Variants in KLHL20 observed in about 807,000 individuals in gnomAD.
KLHL20 encodes the protein kelch like family member 20.
In KLHL20, 29 loss-of-function variants were observed where a neutral mutation model predicts 69.5. The ratio of observed to expected loss-of-function variants is 0.42; its 90% CI spans 0.31 to 0.57. The LOEUF (loss-of-function observed/expected upper bound fraction) is 0.57. Ranked by LOEUF, KLHL20 falls within the 20% of genes least tolerant of loss-of-function variation. The pLI is 0.18. For synonymous variants in KLHL20, 253 were observed against 265.2 expected, an observed-to-expected ratio of 0.95 and a Z score of 0.45; for missense variants, 419 against 776.0, an observed-to-expected ratio of 0.54 and a Z score of 5.47.
At chr1:173,775,472 A>G (rs1411158793) in intron 9 of KLHL20, among the ~76,000 whole-genome samples, 162 bp from the exon 10 acceptor site, 1 of 152,244 alleles carries the variant, frequency 6.6e-6, no homozygotes, top group African/African-American at 2.4e-5. Context: ...TGATGAGAGT[A>G]TATGTAGTAT....
At chr1:173,785,022 CAAT>C in intron 11 of KLHL20, 138 bp from the exon 12 acceptor site, 1 of 607,938 alleles carries the variant, frequency 1.6e-6, no homozygotes, top group Non-Finnish European at 2.8e-6. Context: ...AGAATGAAGA[CAAT>C]ATTAGTGTGA....
chr1:173,732,504 T>C (rs1003124304), intron 2 of KLHL20, among the ~76,000 whole-genome samples: 5 of 152,190 alleles, frequency 3.3e-5, no homozygotes, highest in African/African-American at 1.2e-4. Context: ...GAAGCAGTGA[T>C]GCGTATCTAT....
At chr1:173,762,453 C>T (rs1437563088) in intron 7 of KLHL20, among the ~76,000 whole-genome samples, 1 of 152,142 alleles carries the variant, frequency 6.6e-6, no homozygotes, top group Non-Finnish European at 1.5e-5. Flanking sequence ...AGACCAATAT[C>T]CTTGATGAAT....
intron 3 of KLHL20, chr1:173,741,616 G>A: frequency 2.2e-6 from 1 of 456,978 alleles, no homozygotes. Flanking sequence ...TCAAAGCCAA[G>A]CTGGGGAAAA....
intron 3 of KLHL20, among the ~76,000 whole-genome samples, chr1:173,748,596 A>G (rs1043762659): frequency 6.6e-6 from 1 of 152,160 alleles, no homozygotes; most frequent in Admixed American, 6.5e-5. Flanking sequence ...CCACTTTCCA[A>G]AAATAAAGAT....
Position 173,775,788 on chromosome 1 carries a change from C to A in KLHL20, c.1584C>A (p.Asn528Lys). ...TTELSSAERYNPRTNQWSPVV... is the reference protein window; with the variant it reads ...TTELSSAERYKPRTNQWSPVV... Reference sequence around the variant, plus strand: ...AGCTGAGCAGTGCTGAGAGATACAACCCCAGAACCAACCAGTGGTCTCCAG... The same window carrying A: ...AGCTGAGCAGTGCTGAGAGATACAAACCCAGAACCAACCAGTGGTCTCCAG... Residue 528 changes from asparagine to lysine, a missense_variant, in exon 10 of 12, where the codon AAC becomes AAA. Asn to Lys is a moderately conservative substitution (Grantham distance 94). Around this residue, in one of 6 missense-constraint regions of KLHL20, gnomAD observed 79 missense variants for 154.4 expected, o/e 0.51. Coordinates refer to ENST00000209884, the MANE Select transcript of KLHL20 (RefSeq NM_014458.4). The A allele has an allele frequency of 6.2e-7, 1 of 1,614,144 alleles. No individual in the cohort carries two copies. The highest frequency in any genetic ancestry group is 8.5e-7 in the Non-Finnish European group (1 of 1,180,028).
At chr1:173,727,143 A>G (rs1672011371) in intron 2 of KLHL20, among the ~76,000 whole-genome samples, 2 of 152,136 alleles carry the variant, frequency 1.3e-5, no homozygotes, top group Non-Finnish European at 2.9e-5. Context: ...AAGAAAGGGT[A>G]TCAGTGATGG....
rs1648308067 is a variant in KLHL20 at position 173,774,335 on chromosome 1, G to C, written c.1326G>C (p.Arg442=). 6.2e-7 allele frequency: 1 copy of C among 1,614,108 alleles called. No homozygotes were observed. The change falls in exon 9 of 12, where the codon CGG becomes CGC. Residue 442 remains arginine (R), a synonymous_variant. Transcript: ENST00000209884. The part of the protein sequence containing the change: ...RYDPKENKWT[R]VASMSTRRLG... ...ATCCGAAGGAGAACAAGTGGACTCG[G>C]GTAGCTTCTATGAGTACCAGAAGAC...
rs1374776136 is a variant in KLHL20, at chr1:173,766,174, A to G, written c.1180A>G (p.Ser394Gly). 1 of 1,610,432 alleles carries G rather than the reference A, an allele frequency of 6.2e-7. No homozygotes were observed. Among genetic ancestry groups the G allele is most frequent in the Non-Finnish European group, 8.5e-7 (1 of 1,178,558 alleles). ...TGACCCCAAAACAAACCAGTGGAGC[A>G]GTGATGTGGCCCCTACAAGCACCTG... ...RYDPKTNQWS[S>G]DVAPTSTCRT... The change falls in exon 8 of 12, where the codon AGT becomes GGT. Residue 394 changes from serine (S) to glycine (G), a missense_variant. Physicochemically the swap from Ser to Gly is moderately conservative, Grantham distance 56 (BLOSUM62 0). Transcript: ENST00000209884.
intron 2 of KLHL20, among the ~76,000 whole-genome samples, chr1:173,726,219 AG>A (rs1671951248): frequency 6.6e-6 from 1 of 152,014 alleles, no homozygotes; most frequent in South Asian, 2.1e-4. Flanking sequence ...ACCATTGTCC[AG>A]GCTTGAGTAG....
At position 173,785,994 on chromosome 1, in the gene KLHL20, A is replaced by T. The variant is rs78831459; in HGVS notation, c.*747A>T. On this transcript the variant is annotated 3_prime_UTR_variant, in exon 12 of 12. Transcript: ENST00000209884. Reference sequence around the variant, plus strand: ...TATAAAAACAATATATAAGTCTCATATGCTGTCTTGAGAATCCAAGAGAAT... The same window carrying T: ...TATAAAAACAATATATAAGTCTCATTTGCTGTCTTGAGAATCCAAGAGAAT... The T allele has an allele frequency of 2.4e-3, 370 of 152,318 alleles. 1 individual carries two copies. The highest frequency in any genetic ancestry group is 8.6e-3 in the African/African-American group (358 of 41,574). 9.4% of individuals were successfully genotyped at this position (152,318 alleles called of 1,614,324 possible). A position where few individuals can be genotyped will look rare whatever the true frequency, so the allele number is the denominator to read the frequency against.
chr1:173,772,986 A>T (rs1300791375), intron 8 of KLHL20, among the ~76,000 whole-genome samples: 1 of 152,042 alleles, frequency 6.6e-6, no homozygotes, highest in Non-Finnish European at 1.5e-5. Context: ...ATTTAATCTG[A>T]TTTTTTTAGA....
intron 8 of KLHL20, among the ~76,000 whole-genome samples, chr1:173,772,410 C>A (rs1018382591): frequency 6.6e-5 from 10 of 152,150 alleles, no homozygotes; most frequent in African/African-American, 2.2e-4. Flanking sequence ...CCAATAAATA[C>A]ACTTAAATAT....
chr1:173,761,153 A>G (rs1014653422), intron 7 of KLHL20, among the ~76,000 whole-genome samples: 1 of 152,234 alleles, frequency 6.6e-6, no homozygotes, highest in African/African-American at 2.4e-5. Context: ...ACAGTATATA[A>G]TGGTAAAAGG....
chr1:173,778,744 GT>G (rs1648648317), intron 10 of KLHL20, among the ~76,000 whole-genome samples: 1 of 152,116 alleles, frequency 6.6e-6, no homozygotes, highest in Non-Finnish European at 1.5e-5. Context: ...ATTTTCTAAT[GT>G]ATTGGCATAT....
chr1:173,747,272 T>G lies in KLHL20; in HGVS notation c.598-4492T>G, dbSNP rs1673105823. On this transcript the variant is annotated intron_variant, in intron 3 of 11. Transcript: ENST00000209884. ...CCTTTTTTGTCCTTGGACCTGTGTG[T>G]TAAAGTCTCTTATTATCAGTGTGTC... 2.6e-5 allele frequency among the ~76,000 whole-genome samples: 4 copies of G among 152,190 alleles called. No individual in the cohort carries two copies. The South Asian group carries it at 8.3e-4, about 31-fold the overall frequency.
Position 173,733,844 on chromosome 1 carries a change from G to A in KLHL20, c.155G>A (p.Arg52Gln), listed in dbSNP as rs1021451042. The stretch of plus-strand genomic sequence containing the variant: ...CCCTATATCTCAGACAAGCACCCTC[G>A]ACAAACCTTGGAAGTGATTAACCTT... The part of the protein sequence containing the change: ...RMPYISDKHP[R>Q]QTLEVINLLR... Residue 52 changes from arginine to glutamine, a missense_variant, in exon 3 of 12, where the codon CGA (arginine) becomes CAA (glutamine). Arg to Gln is a conservative substitution (Grantham distance 43). Coordinates refer to ENST00000209884, the MANE Select transcript of KLHL20 (RefSeq NM_014458.4). 33 of 1,613,942 alleles carry A rather than the reference G, an allele frequency of 2.0e-5. No individual in the cohort carries two copies. Among genetic ancestry groups the A allele is most frequent in the Non-Finnish European group, 2.5e-5 (29 of 1,180,038 alleles).
rs537850090 is a variant in KLHL20 at position 173,728,315 on chromosome 1, T to C, written c.24-5398T>C. Among the ~76,000 whole-genome samples the C allele has an allele frequency of 2.0e-5, 3 of 152,286 alleles. No individual in the cohort carries two copies. In the East Asian group the frequency reaches 5.8e-4, roughly 29 times the overall value. Reference sequence around the variant, plus strand: ...AATGGGAGACTTTAACACCCCACTGTCAACATTAGACAGATCAACGAGACA... The same window carrying C: ...AATGGGAGACTTTAACACCCCACTGCCAACATTAGACAGATCAACGAGACA... On this transcript the variant is annotated intron_variant, in intron 2 of 11. Transcript: ENST00000209884.
At chr1:173,737,691 G>A (rs1306280827) in intron 3 of KLHL20, among the ~76,000 whole-genome samples, 1 of 152,078 alleles carries the variant, frequency 6.6e-6, no homozygotes, top group African/African-American at 2.4e-5. Context: ...CTTTGGGTAT[G>A]TGGGCTCATT....
Sources: allele counts gnomAD v4.1 joint callset (sites outside exome capture counted in the v4.1 genomes callset), GRCh38; gene constraint gnomAD v4.1.1; regional missense constraint gnomAD v4.1.1; transcripts MANE v1.5; gene names NCBI Gene and HGNC (gene_info 2026-07-23, HGNC 2026-07-21).